ABITRAM: variants seen among roughly 807,000 people sequenced by gnomAD.
ABITRAM encodes the protein actin binding transcription modulator, also known as protein Abitram.
A neutral mutation model predicts 22.9 loss-of-function variants in ABITRAM; 19 were observed. The observed-to-expected ratio is 0.83, with a 90% CI of 0.58 to 1.22. ABITRAM has a LOEUF of 1.22. ABITRAM is among the 50% of genes most tolerant of loss of function. ABITRAM has a pLI of 0.00. For missense variants in ABITRAM, 215 were observed against 220.2 expected (o/e 0.98, Z 0.15); for synonymous variants, 70 against 73.9 (o/e 0.95, Z 0.27).
At chr9:108,939,324 T>C in intron 4 of ABITRAM, 52 bp downstream of exon 4, 1 of 1,591,794 alleles carries the variant, frequency 6.3e-7, no homozygotes. Flanking sequence ...GTAATTTTTT[T>C]TCTTAGAAAC....
chr9:108,948,484 ATT>A (rs1830468281), intron 3 of ABITRAM, among the ~76,000 whole-genome samples: 1 of 152,234 alleles, frequency 6.6e-6, no homozygotes, highest in African/African-American at 2.4e-5. Context: ...AACAAGTAAT[ATT>A]TAAGTTCCAT....
downstream of ABITRAM, among the ~76,000 whole-genome samples, chr9:108,941,278 C>G (rs1178651931): frequency 2.0e-5 from 3 of 152,188 alleles, no homozygotes; most frequent in Admixed American, 6.5e-5. Flanking sequence ...ATAAACACCT[C>G]CACGATGGTG....
intron 3 of ABITRAM, 24 bp downstream of exon 3, chr9:108,936,461 T>A (rs746154891): frequency 6.2e-7 from 1 of 1,609,832 alleles, no homozygotes; most frequent in South Asian, 1.1e-5. Context: ...ATTCTGTGAT[T>A]ATCTACTTAC....
chr9:108,942,835 CT>C (rs774023934), downstream of ABITRAM: 1 of 1,613,262 alleles, frequency 6.2e-7, no homozygotes, highest in East Asian at 2.2e-5. Flanking sequence ...CCATCTGAAG[CT>C]GGAAAGAGTT....
chr9:108,950,525 A>G, exon 4 of ABITRAM: 1 of 1,550,302 alleles, frequency 6.5e-7, no homozygotes, highest in African/African-American at 1.4e-5. Context: ...CTATCTAGAA[A>G]AGGTAGAAGA....
chr9:108,938,838 T>A (rs1830221400), intron 3 of ABITRAM, among the ~76,000 whole-genome samples: 1 of 152,212 alleles, frequency 6.6e-6, no homozygotes, highest in Admixed American at 6.5e-5. Flanking sequence ...GCTGTCATAC[T>A]GTGTCATGTT....
downstream of ABITRAM, among the ~76,000 whole-genome samples, chr9:108,943,499 G>C (rs1830307439): frequency 1.3e-5 from 2 of 152,088 alleles, no homozygotes; most frequent in African/African-American, 4.8e-5. Context: ...TGGAATTAAT[G>C]ATGTCCAAAA....
At chr9:108,939,507 T>C in intron 5 of ABITRAM, 42 bp from the exon 6 acceptor site, 1 of 1,605,080 alleles carries the variant, frequency 6.2e-7, no homozygotes, top group Non-Finnish European at 8.5e-7. Flanking sequence ...TATTGGTTTT[T>C]TTTTCATCGT....
chr9:108,934,689 G>C, intron 1 of ABITRAM, 124 bp downstream of exon 1: 1 of 899,170 alleles, frequency 1.1e-6, no homozygotes, highest in Non-Finnish European at 1.7e-6. Context: ...AGAAGGCACT[G>C]GACTTCTGTG....
At chr9:108,935,937 G>A (rs1429946548) in intron 2 of ABITRAM, 2 of 535,914 alleles carry the variant, frequency 3.7e-6, no homozygotes, top group Non-Finnish European at 3.3e-6. Context: ...ATCATCAGCT[G>A]CTACTTGAAG....
chr9:108,947,115 C>A (rs951437367), intron 3 of ABITRAM, among the ~76,000 whole-genome samples: 1 of 136,276 alleles, frequency 7.3e-6, no homozygotes, highest in African/African-American at 2.7e-5. Context: ...AAATTTCTTT[C>A]TTTTTTTTTT....
chr9:108,944,524 A>G (rs563122020), downstream of ABITRAM, among the ~76,000 whole-genome samples: 1 of 152,316 alleles, frequency 6.6e-6, no homozygotes, highest in Admixed American at 6.5e-5. Context: ...TTTCAGATTA[A>G]TTTTCACTAT....
At chr9:108,944,041 C>G (rs566502080), downstream of ABITRAM, 10 of 1,594,064 alleles carry the variant, frequency 6.3e-6, no homozygotes, top group South Asian at 1.0e-4. Context: ...GAAAACACCA[C>G]TATTTTAGAC....
In ABITRAM at chr9:108,934,544, T is replaced by C. The variant is rs1167353907; in HGVS notation, c.58T>C (p.Phe20Leu). The change falls in exon 1 of 6, where the codon TTC becomes CTC. Residue 20 changes from phenylalanine to leucine, a missense_variant. By Grantham distance (22) the Phe-to-Leu change is conservative. Coordinates refer to ENST00000322940, the MANE Select transcript of ABITRAM (RefSeq NM_017832.4). ...GGTGCCTTCGCTCGTGGATCGATAC[T>C]TCACTCGCTGGTACAAACCGGGTAA... ...PVVPSLVDRYFTRWYKPDVKG... is the reference protein window; with the variant it reads ...PVVPSLVDRYLTRWYKPDVKG... The C allele has an allele frequency of 1.9e-6, 3 of 1,606,342 alleles. No homozygotes were observed. Among genetic ancestry groups the C allele is most frequent in the African/African-American group, 2.7e-5 (2 of 73,880 alleles).
At chr9:108,936,255 G>C in intron 2 of ABITRAM, 53 bp from the exon 3 acceptor site, 1 of 1,585,722 alleles carries the variant, frequency 6.3e-7, no homozygotes, top group Non-Finnish European at 8.6e-7. Context: ...AGGAGTTATG[G>C]GAGGAAAAAT....
chr9:108,935,580 C>A, intron 1 of ABITRAM, 58 bp from the exon 2 acceptor site: 1 of 1,348,500 alleles, frequency 7.4e-7, no homozygotes, highest in Non-Finnish European at 1.1e-6. Flanking sequence ...AAAGAAAGTA[C>A]CACATAGTGG....
downstream of ABITRAM, chr9:108,942,425 ACAGTT>A (rs1219029408): frequency 1.4e-5 from 4 of 281,684 alleles, no homozygotes; most frequent in African/African-American, 2.2e-5. Context: ...GATAAAGAAA[ACAGTT>A]AAGGTAAAAT....
Position 108,934,463 on chromosome 9 carries a change from G to C in ABITRAM, c.-24G>C. ...GGAAGCGCTGGGGTCCCGGAGGGCGGGGGTGGCGGCGCCGGAGGTCGCCAT... is the reference window on the plus strand; with the variant it reads ...GGAAGCGCTGGGGTCCCGGAGGGCGCGGGTGGCGGCGCCGGAGGTCGCCAT... On this transcript the variant is annotated 5_prime_UTR_variant, in exon 1 of 6. Coordinates refer to ENST00000322940, the MANE Select transcript of ABITRAM (RefSeq NM_017832.4). The C allele has an allele frequency of 6.3e-7, 1 of 1,583,638 alleles. No homozygotes were observed. The highest frequency in any genetic ancestry group is 8.6e-7 in the Non-Finnish European group (1 of 1,166,988).
chr9:108,938,681 G>A (rs1325311537), intron 3 of ABITRAM, among the ~76,000 whole-genome samples: 1 of 125,390 alleles, frequency 8.0e-6, no homozygotes, highest in Non-Finnish European at 1.6e-5. Flanking sequence ...ACACACTGGG[G>A]AATTACAAAG....
Sources: gnomAD v4.1 joint callset for allele counts (sites outside exome capture counted in the v4.1 genomes callset) on GRCh38, gnomAD v4.1.1 for gene constraint, MANE v1.5 for transcripts, NCBI Gene and HGNC (gene_info 2026-07-23, HGNC 2026-07-21) for gene names.